Variants in KLRG1 observed in about 807,000 individuals in gnomAD.
The protein encoded by KLRG1 is killer cell lectin-like receptor subfamily G member 1.
Under a neutral mutation model 21.8 loss-of-function variants are expected in KLRG1, and 16 were observed. That is an observed-to-expected ratio of 0.73 (90% CI 0.50 to 1.11). The LOEUF (loss-of-function observed/expected upper bound fraction) is 1.11, where lower values mean the gene tolerates loss of function less well. Ranked by LOEUF, KLRG1 falls within the 50% of genes most tolerant of loss-of-function variation. The pLI is 0.00. For missense variants in KLRG1, 173 were observed against 218.3 expected, an observed-to-expected ratio of 0.79 and a Z score of 1.31; for synonymous variants, 69 against 75.9, an observed-to-expected ratio of 0.91 and a Z score of 0.47.
the KLRG1 span, among the ~76,000 whole-genome samples, chr12:9,142,015 A>C: frequency 6.6e-6 from 1 of 152,162 alleles, no homozygotes; most frequent in Admixed American, 6.5e-5. Flanking sequence ...CCCTTTTATA[A>C]ATTTTTTCAT....
At chr12:9,109,487 C>T in the KLRG1 span, 2 of 1,036,116 alleles carry the variant, frequency 1.9e-6, no homozygotes, top group Non-Finnish European at 3.0e-6. Context: ...TGTAACAGTT[C>T]CCTAATAATA....
the KLRG1 span, chr12:9,028,123 C>A: frequency 6.1e-6 from 5 of 818,258 alleles, no homozygotes; most frequent in Non-Finnish European, 1.0e-5. Flanking sequence ...TCAAAATTAT[C>A]TGTTCTTCAG....
At chr12:9,051,628 C>T in the KLRG1 span, among the ~76,000 whole-genome samples, 1 of 152,230 alleles carries the variant, frequency 6.6e-6, no homozygotes. Context: ...TCACCCTTCA[C>T]TTGTCTGCAT....
chr12:9,185,044 C>T, the KLRG1 span, among the ~76,000 whole-genome samples: 1 of 152,330 alleles, frequency 6.6e-6, no homozygotes, highest in African/African-American at 2.4e-5. Context: ...CAAACAATCA[C>T]ACCAGTTCTC....
chr12:9,203,726 A>T, the KLRG1 span: 1 of 1,602,204 alleles, frequency 6.2e-7, no homozygotes, highest in Non-Finnish European at 8.5e-7. Context: ...GCTCAATAAA[A>T]TGTATCAAGC....
chr12:9,085,409 C>G, the KLRG1 span, among the ~76,000 whole-genome samples: 1 of 151,938 alleles, frequency 6.6e-6, no homozygotes, highest in African/African-American at 2.4e-5. Context: ...TGCTCCTGAA[C>G]AGCCAATGGG....
At chr12:9,162,760 C>T in the KLRG1 span, 16 of 887,224 alleles carry the variant, frequency 1.8e-5, no homozygotes, top group Admixed American at 3.6e-4. Context: ...GTTTACCATC[C>T]TACTCTTTTT....
In KLRG1 at chr12:8,951,034, T is replaced by TA. The variant is rs3834490; in HGVS notation, c.-156+809dup. ...ATATCTGGGTTGGATGTTGCCCCAATAAAAAAAAAAATTAAATTTTTTTCT... is the reference window on the plus strand; with the variant it reads ...ATATCTGGGTTGGATGTTGCCCCAATAAAAAAAAAAAATTAAATTTTTTTCT... On this transcript the variant is annotated intron_variant, in intron 1 of 4. Coordinates refer to the KLRG1 transcript ENST00000539240. Among the ~76,000 whole-genome samples, 1,477 of 148,438 alleles carry TA rather than the reference T, an allele frequency of 1.0e-2. 23 individuals carry two copies. The highest frequency in any genetic ancestry group is 0.034 in the African/African-American group (1,347 of 40,122).
the KLRG1 span, among the ~76,000 whole-genome samples, chr12:9,169,176 G>C: frequency 0.015 from 1,392 of 94,952 alleles, 27 homozygotes; most frequent in African/African-American, 0.041. Flanking sequence ...TTTTTGGTTT[G>C]CAAATAAAAA....
the KLRG1 span, among the ~76,000 whole-genome samples, chr12:9,175,120 CCAATGGTA>C: frequency 5.9e-5 from 9 of 152,224 alleles, no homozygotes; most frequent in South Asian, 8.3e-4. Context: ...GACACATAGA[CCAATGGTA>C]CAGAATAGAG....
At chr12:9,127,118 A>G in the KLRG1 span, among the ~76,000 whole-genome samples, 4 of 152,226 alleles carry the variant, frequency 2.6e-5, no homozygotes, top group Non-Finnish European at 4.4e-5. Flanking sequence ...CTTCTCTGCT[A>G]TCTTTCCAAC....
chr12:9,040,136 G>T, the KLRG1 span, among the ~76,000 whole-genome samples: 1 of 152,170 alleles, frequency 6.6e-6, no homozygotes, highest in Non-Finnish European at 1.5e-5. Context: ...AGAGAAGTAG[G>T]ATAGTGGTAA....
chr12:9,119,789 A>G, the KLRG1 span, among the ~76,000 whole-genome samples: 1,338 of 152,290 alleles, frequency 8.8e-3, 13 homozygotes, highest in Non-Finnish European at 0.014. Context: ...ATGATCCTTA[A>G]TGGGAGAGAT....
chr12:9,196,868 C>T, the KLRG1 span: 1 of 778,578 alleles, frequency 1.3e-6, no homozygotes, highest in African/African-American at 1.7e-5. Context: ...AAATGAGAAT[C>T]TTGTTGACTA....
the KLRG1 span, chr12:9,203,808 A>G: frequency 6.2e-7 from 1 of 1,614,144 alleles, no homozygotes; most frequent in Non-Finnish European, 8.5e-7. Flanking sequence ...CTCCGCCACC[A>G]GGTCAGTGAA....
At chr12:9,059,916 G>A in the KLRG1 span, among the ~76,000 whole-genome samples, 1 of 150,260 alleles carries the variant, frequency 6.7e-6, no homozygotes, top group South Asian at 2.1e-4. Context: ...CTGAACTCAA[G>A]CAATCCATCC....
the KLRG1 span, among the ~76,000 whole-genome samples, chr12:9,051,279 C>A: frequency 6.6e-6 from 1 of 152,168 alleles, no homozygotes; most frequent in Non-Finnish European, 1.5e-5. Context: ...TTACCAGCTG[C>A]AGAGAGGAGT....
chr12:9,194,343 C>T, the KLRG1 span: 75 of 1,085,718 alleles, frequency 6.9e-5, no homozygotes, highest in East Asian at 1.7e-3. Context: ...ACAACCTCCC[C>T]CTCAAAAAAA....
the KLRG1 span, chr12:9,208,331 T>C: frequency 2.0e-3 from 3,233 of 1,613,202 alleles, 5 homozygotes; most frequent in Non-Finnish European, 2.5e-3. Flanking sequence ...AAGAAGTCTG[T>C]CTTTCCGCAT....
Sources: allele counts gnomAD v4.1 joint callset (sites outside exome capture counted in the v4.1 genomes callset), GRCh38; gene constraint gnomAD v4.1.1; transcripts MANE v1.5; gene names NCBI Gene and HGNC (gene_info 2026-07-23, HGNC 2026-07-21).